The following KCNK5 variants were observed in gnomAD, a reference collection of about 807,000 sequenced individuals.
The protein encoded by KCNK5 is potassium two pore domain channel subfamily K member 5.
A neutral mutation model predicts 32.9 loss-of-function variants in KCNK5; 18 were observed. That is an observed-to-expected ratio of 0.55 (90% confidence interval 0.38 to 0.81). KCNK5 has a LOEUF of 0.81. Among genes scored for constraint, KCNK5 ranks in the 30% least tolerant of loss-of-function variants. The probability of loss-of-function intolerance (pLI) is 0.00; values close to 1 mark genes in which losing one functional copy is unlikely to be tolerated. For synonymous variants in KCNK5, 276 were observed against 275.3 expected, an observed-to-expected ratio of 1.00 and a Z score of -0.03; for missense variants, 507 against 651.0, an observed-to-expected ratio of 0.78 and a Z score of 2.41.
chr6:39,205,403 C>G (rs544273428), intron 1 of KCNK5, among the ~76,000 whole-genome samples: 2 of 152,318 alleles, frequency 1.3e-5, no homozygotes, highest in East Asian at 3.9e-4. Flanking sequence ...CTCATCTTCT[C>G]AGGGAAGGTG....
At chr6:39,208,446 C>T (rs1344291137) in intron 1 of KCNK5, among the ~76,000 whole-genome samples, 1 of 152,186 alleles carries the variant, frequency 6.6e-6, no homozygotes, top group East Asian at 1.9e-4. Context: ...CTTCTCAAAG[C>T]CCCCTGCAGG....
intron 1 of KCNK5, among the ~76,000 whole-genome samples, chr6:39,221,520 T>A (rs1175543168): frequency 6.6e-6 from 1 of 152,216 alleles, no homozygotes; most frequent in East Asian, 1.9e-4. Flanking sequence ...CAGCCCAATG[T>A]CTGGCACCTG....
At chr6:39,205,851 C>T (rs1289951555) in intron 1 of KCNK5, among the ~76,000 whole-genome samples, 1 of 152,172 alleles carries the variant, frequency 6.6e-6, no homozygotes, top group Non-Finnish European at 1.5e-5. Context: ...TTGGATTGGG[C>T]CCCTGGCACA....
At chr6:39,196,082 T>A (rs572524188) in intron 1 of KCNK5, 95 bp from the exon 2 acceptor site, 1 of 758,526 alleles carries the variant, frequency 1.3e-6, no homozygotes, top group East Asian at 2.8e-5. Flanking sequence ...CATTTTCATT[T>A]AGTCATCACA....
chr6:39,228,489 G>C (rs1005792544), intron 1 of KCNK5, among the ~76,000 whole-genome samples: 4 of 152,186 alleles, frequency 2.6e-5, no homozygotes, highest in Non-Finnish European at 5.9e-5. Context: ...AGAAAAGCCT[G>C]GCAGGCGTGG....
At chr6:39,228,324 C>A (rs1036643452) in intron 1 of KCNK5, among the ~76,000 whole-genome samples, 2 of 152,318 alleles carry the variant, frequency 1.3e-5, no homozygotes, top group African/African-American at 4.8e-5. Flanking sequence ...GAAGCCTGAG[C>A]GCGTCCCCAG....
At chr6:39,228,793 C>T (rs374389002) in intron 1 of KCNK5, 133 bp downstream of exon 1, 2 of 819,978 alleles carry the variant, frequency 2.4e-6, no homozygotes, top group African/African-American at 1.7e-5. Flanking sequence ...TGATGAGACA[C>T]GCTCTCTCAT....
In KCNK5 at chr6:39,197,784, G is replaced by C. The variant is rs550801967; in HGVS notation, c.187-1797C>G. On this transcript the variant is annotated intron_variant, in intron 1 of 4. Coordinates refer to ENST00000359534, the MANE Select transcript of KCNK5 (RefSeq NM_003740.4). ...TCAGATATCGATCTTGAATGGGACC[G>C]GCCTACAAGAAAAGAGTATATAAGA... 3.3e-5 allele frequency among the ~76,000 whole-genome samples: 5 copies of C among 152,212 alleles called. No homozygotes were observed. The East Asian group carries it at 9.7e-4, about 29-fold the overall frequency.
intron 1 of KCNK5, among the ~76,000 whole-genome samples, chr6:39,227,090 C>T (rs987653111): frequency 5.3e-5 from 8 of 152,144 alleles, no homozygotes; most frequent in Non-Finnish European, 1.0e-4. Context: ...CTGCACCCGG[C>T]TGCCTAACCC....
intron 1 of KCNK5, among the ~76,000 whole-genome samples, chr6:39,205,384 T>G (rs1329891564): frequency 6.6e-6 from 1 of 152,176 alleles, no homozygotes; most frequent in Admixed American, 6.5e-5. Flanking sequence ...TCTCAAAATC[T>G]ACCCCTGCCT....
At chr6:39,206,931 T>C (rs1036226100) in intron 1 of KCNK5, among the ~76,000 whole-genome samples, 1 of 152,252 alleles carries the variant, frequency 6.6e-6, no homozygotes, top group African/African-American at 2.4e-5. Context: ...GTGACTATTA[T>C]TGCTCTGTGA....
chr6:39,205,217 T>C (rs1771203127), intron 1 of KCNK5, among the ~76,000 whole-genome samples: 1 of 152,272 alleles, frequency 6.6e-6, no homozygotes, highest in Non-Finnish European at 1.5e-5. Context: ...GATCAGTGAC[T>C]GACACTGGAA....
intron 1 of KCNK5, among the ~76,000 whole-genome samples, chr6:39,213,974 C>T (rs1236237542): frequency 6.6e-6 from 1 of 151,618 alleles, no homozygotes; most frequent in Admixed American, 6.6e-5. Flanking sequence ...TGCAGTGAGC[C>T]GAGATCGCAC....
At chr6:39,219,746 T>C (rs1201339380) in intron 1 of KCNK5, among the ~76,000 whole-genome samples, 1 of 152,132 alleles carries the variant, frequency 6.6e-6, no homozygotes, top group Non-Finnish European at 1.5e-5. Context: ...AGCACAGTGC[T>C]GGACAGACGG....
intron 1 of KCNK5, among the ~76,000 whole-genome samples, chr6:39,217,896 C>T (rs2113795873): frequency 6.6e-6 from 1 of 152,268 alleles, no homozygotes; most frequent in South Asian, 2.1e-4. Flanking sequence ...TGGGGTTCAA[C>T]ACAATTTCAA....
rs368206379 is a variant in KCNK5 at position 39,229,170 on chromosome 6, C to A, written c.-59G>T. 15 of 1,558,220 alleles carry A rather than the reference C, an allele frequency of 9.6e-6. No homozygotes were observed. Among genetic ancestry groups the A allele is most frequent in the South Asian group, 1.1e-5 (1 of 88,804 alleles). On this transcript the variant is annotated 5_prime_UTR_variant, in exon 1 of 5. Transcript: ENST00000359534. ...CTCCTAGCCCCAGCTGCTACCAGTCCGCCCGCCCTCCAGCCTCTGAAAACA... is the reference window on the plus strand; with the variant it reads ...CTCCTAGCCCCAGCTGCTACCAGTCAGCCCGCCCTCCAGCCTCTGAAAACA...
rs766636355 is a variant in KCNK5, at chr6:39,194,735, G to T, written c.324C>A (p.Thr108=). Reference sequence around the variant, plus strand: ...AAACACAGAAGAGGCGACCGGCGGGGGTCTTGGGAGCCACATTGCCATATC... The same window carrying T: ...AAACACAGAAGAGGCGACCGGCGGGTGTCTTGGGAGCCACATTGCCATATC... ...TIGYGNVAPK[T]PAGRLFCVFY... is the part of the protein sequence containing the mutation. Residue 108 remains threonine, a synonymous_variant, in exon 3 of 5, where the codon ACC becomes ACA. Coordinates refer to ENST00000359534, the MANE Select transcript of KCNK5 (RefSeq NM_003740.4). The surrounding 1 kb of genome is among the most constrained non-coding windows in gnomAD (Gnocchi z 4.7). 5.0e-6 allele frequency: 8 copies of T among 1,613,918 alleles called. No homozygotes were observed. The African/African-American group carries it at 1.1e-4, about 22-fold the overall frequency.
intron 1 of KCNK5, among the ~76,000 whole-genome samples, chr6:39,213,999 C>G (rs1771386523): frequency 6.6e-6 from 1 of 151,792 alleles, no homozygotes; most frequent in African/African-American, 2.4e-5. Context: ...GCACTCCAGC[C>G]TGGGTGATGG....
intron 1 of KCNK5, among the ~76,000 whole-genome samples, 171 bp downstream of exon 1, chr6:39,228,755 G>A (rs767349083): frequency 6.6e-6 from 1 of 152,144 alleles, no homozygotes; most frequent in Non-Finnish European, 1.5e-5. Flanking sequence ...TCCCTCGGGT[G>A]AGCGACAGAT....
Sources: gnomAD v4.1 joint callset for allele counts (sites outside exome capture counted in the v4.1 genomes callset) on GRCh38, gnomAD v4.1.1 for gene constraint, Gnocchi (gnomAD v3.1) non-coding constraint, MANE v1.5 for transcripts, NCBI Gene and HGNC (gene_info 2026-07-23, HGNC 2026-07-21) for gene names.